DUOX1: variants seen among roughly 807,000 people sequenced by gnomAD.
DUOX1 encodes the protein dual oxidase 1.
A neutral mutation model predicts 181.8 loss-of-function variants in DUOX1; 134 were observed. That is an observed-to-expected ratio of 0.74 (90% CI 0.64 to 0.85). DUOX1 has a LOEUF of 0.85. Among genes scored for constraint, DUOX1 ranks in the 40% least tolerant of loss-of-function variants. The pLI is 0.00. For missense variants in DUOX1, 1,814 were observed against 2,064.4 expected (o/e 0.88, Z 2.35); for synonymous variants, 798 against 832.5 (o/e 0.96, Z 0.71).
chr15:45,152,336 G>C lies in DUOX1; in HGVS notation c.3244G>C (p.Gly1082Arg). ...HTGITDTTRV[G>R]IILSRGTAAS... Reference sequence around the variant, plus strand: ...GGGCATCACAGACACCACCCGCGTGGGAATCATCCTGTCGCGGGGCACAGC... The same window carrying C: ...GGGCATCACAGACACCACCCGCGTGCGAATCATCCTGTCGCGGGGCACAGC... Residue 1082 changes from glycine (G) to arginine (R), a missense_variant, in exon 25 of 34, where the codon GGA becomes CGA. By Grantham distance (125) the Gly-to-Arg change is moderately radical (BLOSUM62 -2). Transcript: ENST00000389037. 1 of 1,614,160 alleles carries C rather than the reference G, an allele frequency of 6.2e-7. No homozygotes were observed. Among genetic ancestry groups the C allele is most frequent in the East Asian group, 2.2e-5 (1 of 44,878 alleles).
In DUOX1 at chr15:45,134,175, G is replaced by C. The variant is rs145196561; in HGVS notation, c.173G>C (p.Ser58Thr). ...CGGCTGCAGCGCCTGGTCCCAGCCAGCTATGCAGATGGCGTGTACCAGCCC... is the reference window on the plus strand; with the variant it reads ...CGGCTGCAGCGCCTGGTCCCAGCCACCTATGCAGATGGCGTGTACCAGCCC... Reference protein sequence around the residue: ...GSRLQRLVPASYADGVYQPLG... With the variant: ...GSRLQRLVPATYADGVYQPLG... Residue 58 changes from serine to threonine, a missense_variant, in exon 4 of 34, where the codon AGC (serine) becomes ACC (threonine). By Grantham distance (58) the Ser-to-Thr change is moderately conservative. Transcript: ENST00000389037. The C allele has an allele frequency of 2.6e-6, 4 of 1,557,848 alleles. No individual in the cohort carries two copies. In the Admixed American group the frequency reaches 8.3e-5, roughly 32 times the overall value.
chr15:45,160,640 A>G (rs1441246322), intron 28 of DUOX1, among the ~76,000 whole-genome samples, 197 bp from the exon 29 acceptor site: 1 of 152,172 alleles, frequency 6.6e-6, no homozygotes, highest in Non-Finnish European at 1.5e-5. Context: ...TCTAGAAAAT[A>G]CTCTAATTCC....
At chr15:45,145,916 G>A (rs1896641690) in intron 18 of DUOX1, among the ~76,000 whole-genome samples, 1 of 125,602 alleles carries the variant, frequency 8.0e-6, no homozygotes, top group Admixed American at 7.8e-5. Context: ...CTCCATCTCA[G>A]TTAAAAAAAA....
chr15:45,162,949 G>A (rs1193798552), intron 31 of DUOX1, among the ~76,000 whole-genome samples: 4 of 152,240 alleles, frequency 2.6e-5, no homozygotes, highest in Non-Finnish European at 5.9e-5. Context: ...AGGTGAGTCA[G>A]GGGTGCTGGA....
At chr15:45,135,003 G>T in intron 4 of DUOX1, 101 bp from the exon 5 acceptor site, 1 of 1,423,090 alleles carries the variant, frequency 7.0e-7, no homozygotes. Flanking sequence ...TGGCTGCTGA[G>T]TCTTTTGAAG....
In DUOX1 at chr15:45,135,205, G is replaced by T. The variant is rs1382357024; in HGVS notation, c.409G>T (p.Asp137Tyr). 7.4e-6 allele frequency: 12 copies of T among 1,613,566 alleles called. No homozygotes were observed. In the African/African-American group the frequency reaches 1.1e-4, roughly 14 times the overall value. ...GCCCGGAGACCCCATGTTCGACCCCGACCAGCGCGGGGACGTGGTGCTGCC... is the reference window on the plus strand; with the variant it reads ...GCCCGGAGACCCCATGTTCGACCCCTACCAGCGCGGGGACGTGGTGCTGCC... The part of the protein sequence containing the change: ...IPPGDPMFDP[D>Y]QRGDVVLPFQ... The change falls in exon 5 of 34, where the codon GAC becomes TAC. Residue 137 changes from aspartate (D) to tyrosine (Y), a missense_variant. By Grantham distance (160) the Asp-to-Tyr change is radical. Around this residue, in one of 5 missense-constraint regions of DUOX1, gnomAD observed 320 missense variants for 313.1 expected, o/e 1.02. Coordinates refer to ENST00000389037, the MANE Select transcript of DUOX1 (RefSeq NM_175940.3).
Position 45,139,556 on chromosome 15 carries a change from G to T in DUOX1, c.1346G>T (p.Arg449Leu), listed in dbSNP as rs149693969. ...GCACTGGGCTTGTCTCCCATTACCCGCTGGCAGGACATCAACCCTGCACTC... is the reference window on the plus strand; with the variant it reads ...GCACTGGGCTTGTCTCCCATTACCCTCTGGCAGGACATCAACCCTGCACTC... ...RAALGLSPIT[R>L]WQDINPALSR... The change falls in exon 12 of 34, where the codon CGC becomes CTC. Residue 449 changes from arginine (R) to leucine (L), a missense_variant. Transcript: ENST00000389037. 1.9e-6 allele frequency: 3 copies of T among 1,610,948 alleles called. No homozygotes were observed. The highest frequency in any genetic ancestry group is 2.5e-6 in the Non-Finnish European group (3 of 1,178,700).
At position 45,164,644 on chromosome 15, in the gene DUOX1, A is replaced by T; in HGVS notation, c.4534-135A>T. ...CCACTATGCCTGGCTAATTAAAAAT[A>T]AAAAAATTAGAGTCAGGGATGTTGC... On this transcript the variant is annotated intron_variant, in intron 33 of 33. Transcript: ENST00000389037. 5 of 960,280 alleles carry T rather than the reference A, an allele frequency of 5.2e-6. No homozygotes were observed. In the South Asian group the frequency reaches 7.8e-5, roughly 15 times the overall value. 59.5% of individuals were successfully genotyped at this position (960,280 alleles called of 1,614,324 possible). A position where few individuals can be genotyped will look rare whatever the true frequency, so the allele number is the denominator to read the frequency against.
At chr15:45,162,408 A>T in intron 31 of DUOX1, 31 bp downstream of exon 31, 3 of 1,602,226 alleles carry the variant, frequency 1.9e-6, no homozygotes, top group Non-Finnish European at 2.6e-6. Context: ...CCACCAACCC[A>T]TGGCCCCTTC....
intron 12 of DUOX1, among the ~76,000 whole-genome samples, chr15:45,140,290 T>C (rs1896455955): frequency 1.3e-5 from 2 of 152,190 alleles, no homozygotes; most frequent in African/African-American, 4.8e-5. Context: ...AAAGAAGTGA[T>C]ATGAGCATGG....
rs1424739809 is a variant in DUOX1 at position 45,147,522 on chromosome 15, G to A, written c.2412G>A (p.Arg804=). ...AGGCCCTGACCTGTGAGCTGAGCAG[G>A]GCCGAGTTTGCCGAGTCCCTGGGCC... ...VREALTCELS[R]AEFAESLGLK... Residue 804 remains arginine, a synonymous_variant, in exon 19 of 34, where the codon AGG becomes AGA. Coordinates refer to ENST00000389037, the MANE Select transcript of DUOX1 (RefSeq NM_175940.3). 6.2e-7 allele frequency: 1 copy of A among 1,614,116 alleles called. No individual in the cohort carries two copies. Among genetic ancestry groups the A allele is most frequent in the Non-Finnish European group, 8.5e-7 (1 of 1,179,998 alleles).
chr15:45,152,759 G>C, intron 25 of DUOX1: 1 of 591,332 alleles, frequency 1.7e-6, no homozygotes, highest in Non-Finnish European at 3.0e-6. Context: ...TAACACCCCA[G>C]AATGAGTGTG....
At chr15:45,156,159 C>G (rs1896964713) in intron 28 of DUOX1, among the ~76,000 whole-genome samples, 1 of 152,180 alleles carries the variant, frequency 6.6e-6, no homozygotes, top group Admixed American at 6.5e-5. Context: ...GCAGTAGCAG[C>G]CCTGCCAGAC....
Position 45,145,204 on chromosome 15 carries a change from A to G in DUOX1, c.2322+124A>G, listed in dbSNP as rs958021701. On this transcript the variant is annotated intron_variant, in intron 18 of 33. Coordinates refer to ENST00000389037, the MANE Select transcript of DUOX1 (RefSeq NM_175940.3). Reference sequence around the variant, plus strand: ...TCAGCTAATAATCAAGTCTATTGCAATTTTGGATGAATCACCAGACTTTAT... The same window carrying G: ...TCAGCTAATAATCAAGTCTATTGCAGTTTTGGATGAATCACCAGACTTTAT... 2.1e-5 allele frequency: 20 copies of G among 930,982 alleles called. No individual in the cohort carries two copies. In the African/African-American group the frequency reaches 3.0e-4, roughly 14 times the overall value. The allele number at this position is 930,982 out of a possible 1,614,324, so 57.7% of individuals were successfully genotyped here. A position where few individuals can be genotyped will look rare whatever the true frequency, so the allele number is the denominator to read the frequency against.
Position 45,163,773 on chromosome 15 carries a change from AC to A in DUOX1, c.4405-14del, listed in dbSNP as rs1190090924. The A allele has an allele frequency of 1.2e-6, 2 of 1,613,492 alleles. No individual in the cohort carries two copies. The highest frequency in any genetic ancestry group is 1.3e-5 in the African/African-American group (1 of 74,826). ...GCTGTGCCTGGCTGAACTTTGTTCC[AC>A]CCTTCCCTACCATAGTACATCTGTG... On this transcript the variant is annotated splice_polypyrimidine_tract_variant and intron_variant, in intron 32 of 33. Coordinates refer to ENST00000389037, the MANE Select transcript of DUOX1 (RefSeq NM_175940.3).
At chr15:45,134,049 G>A in intron 3 of DUOX1, 96 bp from the exon 4 acceptor site, 1 of 1,563,418 alleles carries the variant, frequency 6.4e-7, no homozygotes, top group Non-Finnish European at 8.7e-7. Context: ...CCATTTCCAA[G>A]GTTTTAGGAT....
chr15:45,153,665 G>A (rs889970954), intron 26 of DUOX1, 186 bp downstream of exon 26: 14 of 695,730 alleles, frequency 2.0e-5, no homozygotes, highest in Admixed American at 4.4e-5. Flanking sequence ...CAAGTCAGCA[G>A]GAGAGACTGG....
intron 32 of DUOX1, 42 bp from the exon 33 acceptor site, chr15:45,163,748 G>C: frequency 6.2e-7 from 1 of 1,613,574 alleles, no homozygotes; most frequent in South Asian, 1.1e-5. Flanking sequence ...ATTGACCCTA[G>C]CTGTGCCTGG....
rs769771018 is a variant in DUOX1, at chr15:45,135,529, C to A, written c.551C>A (p.Ser184Tyr). ...AGCGCCATCTATGGTTCCTCGCATTCCTGGAGCGACGCGCTGCGGAGCTTC... is the reference window on the plus strand; with the variant it reads ...AGCGCCATCTATGGTTCCTCGCATTACTGGAGCGACGCGCTGCGGAGCTTC... ...DGSAIYGSSHSWSDALRSFSR... is the reference protein window; with the variant it reads ...DGSAIYGSSHYWSDALRSFSR... The change falls in exon 6 of 34, where the codon TCC becomes TAC. Residue 184 changes from serine (S) to tyrosine (Y), a missense_variant. Around this residue, in one of 5 missense-constraint regions of DUOX1, gnomAD observed 320 missense variants for 313.1 expected, o/e 1.02. Transcript: ENST00000389037. 41 of 1,559,740 alleles carry A rather than the reference C, an allele frequency of 2.6e-5. No homozygotes were observed. The highest frequency in any genetic ancestry group is 3.5e-5 in the Non-Finnish European group (40 of 1,153,542).
Sources: allele counts gnomAD v4.1 joint callset (sites outside exome capture counted in the v4.1 genomes callset), GRCh38; gene constraint gnomAD v4.1.1; regional missense constraint gnomAD v4.1.1; transcripts MANE v1.5; gene names NCBI Gene and HGNC (gene_info 2026-07-23, HGNC 2026-07-21).